Variants in ENTPD1 observed in about 807,000 individuals in gnomAD.
The protein encoded by ENTPD1 is ATP diphosphohydrolase.
A neutral mutation model predicts 57.0 loss-of-function variants in ENTPD1; 33 were observed. The ratio of observed to expected loss-of-function variants is 0.58; its 90% CI spans 0.44 to 0.77. The LOEUF (loss-of-function observed/expected upper bound fraction) is 0.77. Among genes scored for constraint, ENTPD1 ranks in the 30% least tolerant of loss-of-function variants. ENTPD1 has a pLI of 0.00. For synonymous variants in ENTPD1, 202 were observed against 218.8 expected (o/e 0.92, Z 0.68); for missense variants, 501 against 603.4 (o/e 0.83, Z 1.78).
chr10:95,832,849 CTTAA>C (rs757497697), intron 2 of ENTPD1, among the ~76,000 whole-genome samples: 12 of 152,174 alleles, frequency 7.9e-5, no homozygotes, highest in Admixed American at 2.6e-4. Flanking sequence ...ATACAAGTGA[CTTAA>C]TTGTCAGAGC....
At chr10:95,733,426 A>C (rs751694302) in intron 1 of ENTPD1, among the ~76,000 whole-genome samples, 6 of 152,226 alleles carry the variant, frequency 3.9e-5, no homozygotes, top group Non-Finnish European at 7.3e-5. Flanking sequence ...CTGAGTGGAC[A>C]TACATCCTCA....
In ENTPD1 at chr10:95,827,311, C is replaced by T. The variant is rs546183426; in HGVS notation, c.144+3947C>T. Among the ~76,000 whole-genome samples the T allele has an allele frequency of 1.2e-3, 188 of 151,968 alleles. 3 individuals carry two copies. The highest frequency in any genetic ancestry group is 6.8e-3 in the Middle Eastern group (2 of 294). The stretch of plus-strand genomic sequence containing the variant: ...TACTAAAAATACAAAAAAAATTAGC[C>T]GGGCGTGGTGGTAGGCACCTATAGT... On this transcript the variant is annotated intron_variant, in intron 2 of 9. Transcript: ENST00000371205.
In ENTPD1 at chr10:95,868,141, C is replaced by T. The variant is rs1590223737; in HGVS notation, c.*1758C>T. On this transcript the variant is annotated 3_prime_UTR_variant, in exon 10 of 10. Coordinates refer to ENST00000371205, the MANE Select transcript of ENTPD1 (RefSeq NM_001776.6). ...TGAAGAAGGTAGGTATTACAATTCC[C>T]ACTTCATAGAAACAGAAACTGAGGT... 2.0e-6 allele frequency: 2 copies of T among 984,748 alleles called. No individual in the cohort carries two copies. Among genetic ancestry groups the T allele is most frequent in the Admixed American group, 6.1e-5 (1 of 16,270 alleles). 61.0% of individuals were successfully genotyped at this position (984,748 alleles called of 1,614,324 possible). A position where few individuals can be genotyped will look rare whatever the true frequency, so the allele number is the denominator to read the frequency against.
Position 95,839,790 on chromosome 10 carries a change from G to A in ENTPD1, c.244G>A (p.Glu82Lys). 1 of 1,614,036 alleles carries A rather than the reference G, an allele frequency of 6.2e-7. No individual in the cohort carries two copies. Among genetic ancestry groups the A allele is most frequent in the Non-Finnish European group, 8.5e-7 (1 of 1,179,992 alleles). ...TGACACAGGCGTGGTGCATCAAGTA[G>A]AAGAATGCAGGGTTAAAGGTAAGAT... ...ENDTGVVHQV[E>K]ECRVKGPGIS... The change falls in exon 3 of 10, where the codon GAA becomes AAA. Residue 82 changes from glutamate (E) to lysine (K), a missense_variant. Glu to Lys is a moderately conservative substitution (Grantham distance 56, BLOSUM62 1). Transcript: ENST00000371205.
intron 2 of ENTPD1, among the ~76,000 whole-genome samples, chr10:95,830,687 C>T (rs188295734): frequency 6.6e-6 from 1 of 151,976 alleles, no homozygotes; most frequent in African/African-American, 2.4e-5. Flanking sequence ...CCTGTAATCC[C>T]AGCTACTCGG....
In ENTPD1 at chr10:95,866,260, A is replaced by C; in HGVS notation, c.1410A>C (p.Thr470=). 1 of 1,613,912 alleles carries C rather than the reference A, an allele frequency of 6.2e-7. No homozygotes were observed. The highest frequency in any genetic ancestry group is 8.5e-7 in the Non-Finnish European group (1 of 1,179,978). Residue 470 remains threonine (T), a synonymous_variant, in exon 10 of 10, where the codon ACA becomes ACC. Transcript: ENST00000371205. ...TCCCAGCTGAGCAACCATTGTCCAC[A>C]CCTCTCTCCCACTCCACCTATGTCT... ...NMIPAEQPLS[T]PLSHSTYVFL... is the part of the protein sequence containing the mutation.
chr10:95,714,972 A>G (rs1378226546), intron 1 of ENTPD1, among the ~76,000 whole-genome samples: 2 of 152,222 alleles, frequency 1.3e-5, no homozygotes, highest in African/African-American at 4.8e-5. Flanking sequence ...GACAACGGGA[A>G]TGAAAAGAAT....
At chr10:95,739,251 A>C (rs1214612930) in intron 1 of ENTPD1, among the ~76,000 whole-genome samples, 1 of 152,182 alleles carries the variant, frequency 6.6e-6, no homozygotes, top group African/African-American at 2.4e-5. Flanking sequence ...TTAAAAGAAG[A>C]CAACAGTGAA....
chr10:95,791,393 G>T lies in ENTPD1; in HGVS notation c.17-31844G>T, dbSNP rs368132239. Among the ~76,000 whole-genome samples, 1 of 152,112 alleles carries T rather than the reference G, an allele frequency of 6.6e-6. No individual in the cohort carries two copies. The highest frequency in any genetic ancestry group is 2.4e-5 in the African/African-American group (1 of 41,424). On this transcript the variant is annotated intron_variant, in intron 1 of 9. Transcript: ENST00000371205. The surrounding 1 kb of genome is among the most constrained non-coding windows in gnomAD (Gnocchi z 4.1). Reference sequence around the variant, plus strand: ...GGAGCTATTTAGCCTGGAGAATAGGGGACTTGAGGATGGGGTTTATATACT... The same window carrying T: ...GGAGCTATTTAGCCTGGAGAATAGGTGACTTGAGGATGGGGTTTATATACT...
At chr10:95,849,151 A>G (rs1216488599) in intron 7 of ENTPD1, among the ~76,000 whole-genome samples, 1 of 152,324 alleles carries the variant, frequency 6.6e-6, no homozygotes, top group South Asian at 2.1e-4. Flanking sequence ...TATTTTCTTA[A>G]TAACTCCAGA....
rs2098485471 is a variant in ENTPD1, at chr10:95,876,089, A to G, written c.*9706A>G. 1 of 985,406 alleles carries G rather than the reference A, an allele frequency of 1.0e-6. No homozygotes were observed. Among genetic ancestry groups the G allele is most frequent in the African/African-American group, 1.7e-5 (1 of 57,362 alleles). The allele number at this position is 985,406 out of a possible 1,614,324, so 61.0% of individuals were successfully genotyped here. On this transcript the variant is annotated 3_prime_UTR_variant, in exon 10 of 10. Transcript: ENST00000371205. ...ATTTTTACAAGGTTTGAAACCTGAAATGCAGTCTATTATCATACATAACTA... is the reference window on the plus strand; with the variant it reads ...ATTTTTACAAGGTTTGAAACCTGAAGTGCAGTCTATTATCATACATAACTA...
chr10:95,845,509 T>C lies in ENTPD1; in HGVS notation c.726T>C (p.Tyr242=). 1 of 1,614,216 alleles carries C rather than the reference T, an allele frequency of 6.2e-7. No individual in the cohort carries two copies. Among genetic ancestry groups the C allele is most frequent in the Non-Finnish European group, 8.5e-7 (1 of 1,180,036 alleles). The change falls in exon 6 of 10, where the codon TAT becomes TAC. Residue 242 remains tyrosine, a synonymous_variant. Coordinates refer to ENST00000371205, the MANE Select transcript of ENTPD1 (RefSeq NM_001776.6). ...ATAATGCTCTGCAATTTCGCCTCTA[T>C]GGCAAGGACTACAATGTCTACACAC... ...SPDNALQFRL[Y]GKDYNVYTHS...
chr10:95,753,450 A>G (rs765687581), upstream of ENTPD1: 3 of 152,224 alleles, frequency 2.0e-5, no homozygotes, highest in Non-Finnish European at 2.9e-5. Flanking sequence ...ATTAGGGGTT[A>G]AAACTATGTT....
chr10:95,810,956 T>C (rs568512818), intron 1 of ENTPD1, among the ~76,000 whole-genome samples: 1 of 152,210 alleles, frequency 6.6e-6, no homozygotes, highest in Non-Finnish European at 1.5e-5. Flanking sequence ...TAGATACTAA[T>C]CAATTTATAA....
At chr10:95,697,859 G>T in the ENTPD1 span, among the ~76,000 whole-genome samples, 1 of 152,200 alleles carries the variant, frequency 6.6e-6, no homozygotes, top group African/African-American at 2.4e-5. Flanking sequence ...TTGGAACCAA[G>T]AAGTGGGATT....
intron 1 of ENTPD1, among the ~76,000 whole-genome samples, chr10:95,801,053 C>T (rs904384070): frequency 6.6e-6 from 1 of 152,122 alleles, no homozygotes; most frequent in African/African-American, 2.4e-5. Flanking sequence ...TAAAGACAGG[C>T]ATAAGAAATT....
Position 95,866,239 on chromosome 10 carries a change from A to G in ENTPD1, c.1389A>G (p.Pro463=). 1.2e-6 allele frequency: 2 copies of G among 1,614,122 alleles called. No individual in the cohort carries two copies. Among genetic ancestry groups the G allele is most frequent in the Non-Finnish European group, 1.7e-6 (2 of 1,180,016 alleles). Residue 463 remains proline (P), a synonymous_variant, in exon 10 of 10, where the codon CCA becomes CCG. Coordinates refer to ENST00000371205, the MANE Select transcript of ENTPD1 (RefSeq NM_001776.6). ...GYMLNLTNMI[P]AEQPLSTPLS... is the part of the protein sequence containing the mutation. ...TGCTGAACCTGACCAACATGATCCCAGCTGAGCAACCATTGTCCACACCTC... is the reference window on the plus strand; with the variant it reads ...TGCTGAACCTGACCAACATGATCCCGGCTGAGCAACCATTGTCCACACCTC...
chr10:95,865,960 T>G (rs2098473706), intron 9 of ENTPD1, among the ~76,000 whole-genome samples: 1 of 152,152 alleles, frequency 6.6e-6, no homozygotes, highest in African/African-American at 2.4e-5. Context: ...AGACAGGGTC[T>G]CACTATGTTG....
intron 7 of ENTPD1, among the ~76,000 whole-genome samples, chr10:95,851,586 C>T (rs1458710884): frequency 1.5e-5 from 2 of 130,972 alleles, no homozygotes; most frequent in Non-Finnish European, 3.2e-5. Context: ...CCCCTCCCCC[C>T]ACCCCACGAC....
Sources: allele counts gnomAD v4.1 joint callset (sites outside exome capture counted in the v4.1 genomes callset), GRCh38; gene constraint gnomAD v4.1.1; non-coding constraint Gnocchi (gnomAD v3.1); transcripts MANE v1.5; gene names NCBI Gene and HGNC (gene_info 2026-07-23, HGNC 2026-07-21).